Variants in ZNF700 observed in about 807,000 individuals in gnomAD.
ZNF700 encodes the protein zinc finger protein 700.
ZNF700 carries 38 observed loss-of-function variants against 65.3 expected under a neutral mutation model. The ratio of observed to expected loss-of-function variants is 0.58; its 90% CI spans 0.45 to 0.76. The LOEUF (loss-of-function observed/expected upper bound fraction) is 0.76. Ranked by LOEUF, ZNF700 falls within the 30% of genes least tolerant of loss-of-function variation. The probability of loss-of-function intolerance (pLI) is 0.00; values close to 1 mark genes in which losing one functional copy is unlikely to be tolerated. For synonymous variants in ZNF700, 285 were observed against 290.4 expected, an observed-to-expected ratio of 0.98 and a Z score of 0.19; for missense variants, 857 against 888.4, an observed-to-expected ratio of 0.96 and a Z score of 0.45.
In ZNF700 at chr19:11,949,895, A is replaced by G. The variant is rs1255287934; in HGVS notation, c.1871A>G (p.Gln624Arg). Residue 624 changes from glutamine to arginine, a missense_variant, in exon 4 of 4, where the codon CAA (glutamine) becomes CGA (arginine). Transcript: ENST00000254321. ...GGAGAGAAACCCTATGAGTGTAAGC[A>G]ATGTGGGAAAGCCTTCAGATCTGCC... ...HTGEKPYECK[Q>R]CGKAFRSASN... The G allele has an allele frequency of 5.0e-6, 8 of 1,613,948 alleles. No individual in the cohort carries two copies. Among genetic ancestry groups the G allele is most frequent in the Non-Finnish European group, 6.8e-6 (8 of 1,180,012 alleles).
Position 11,941,071 on chromosome 19 carries a change from G to A in ZNF700, c.64-6110G>A, listed in dbSNP as rs566099428. 5.4e-4 allele frequency among the ~76,000 whole-genome samples: 82 copies of A among 152,244 alleles called. 1 individual carries two copies. The highest frequency in any genetic ancestry group is 3.4e-3 in the Middle Eastern group (1 of 294). Reference sequence around the variant, plus strand: ...CCAGAGTAGCTAGATACAGAGTGTCGATTGGTGCATTCACAAACCCTGAGC... The same window carrying A: ...CCAGAGTAGCTAGATACAGAGTGTCAATTGGTGCATTCACAAACCCTGAGC... On this transcript the variant is annotated intron_variant, in intron 1 of 3. Coordinates refer to ENST00000254321, the MANE Select transcript of ZNF700 (RefSeq NM_144566.3).
chr19:11,935,623 G>A (rs899807748), intron 1 of ZNF700, among the ~76,000 whole-genome samples: 11 of 152,134 alleles, frequency 7.2e-5, no homozygotes, highest in Middle Eastern at 3.4e-3. Context: ...CCAGATAGGC[G>A]TTCTGCAATT....
intron 1 of ZNF700, chr19:11,939,901 T>G (rs1972853425): frequency 6.6e-6 from 1 of 152,202 alleles, no homozygotes; most frequent in African/African-American, 2.4e-5. Context: ...TTTTGCTTAT[T>G]GCAATTATCC....
intron 1 of ZNF700, among the ~76,000 whole-genome samples, chr19:11,925,490 G>A (rs1331704251): frequency 6.6e-6 from 1 of 152,150 alleles, no homozygotes; most frequent in Non-Finnish European, 1.5e-5. Context: ...CGCGGCGACT[G>A]CGGCCGCGGC....
At chr19:11,925,417 C>T in intron 1 of ZNF700, 144 bp downstream of exon 1, 1 of 1,345,202 alleles carries the variant, frequency 7.4e-7, no homozygotes, top group Non-Finnish European at 9.9e-7. Flanking sequence ...GGCCCTCGGT[C>T]CCCTTGGCCG....
Position 11,948,817 on chromosome 19 carries a change from C to T in ZNF700, c.793C>T (p.Leu265Phe). 1 of 1,608,302 alleles carries T rather than the reference C, an allele frequency of 6.2e-7. No individual in the cohort carries two copies. Among genetic ancestry groups the T allele is most frequent in the Non-Finnish European group, 8.5e-7 (1 of 1,178,454 alleles). ...TAAATCCTTTACTTATTCTGCTACC[C>T]TTCAAATACATGAAAGAACTCACAC... ...CGKSFTYSAT[L>F]QIHERTHTGE... The change falls in exon 4 of 4, where the codon CTT becomes TTT. Residue 265 changes from leucine (L) to phenylalanine (F), a missense_variant. Transcript: ENST00000254321.
At chr19:11,942,653 G>A (rs1267832711) in intron 1 of ZNF700, among the ~76,000 whole-genome samples, 1 of 152,220 alleles carries the variant, frequency 6.6e-6, no homozygotes, top group African/African-American at 2.4e-5. Context: ...CAAGGATGGA[G>A]TGTGTAATTG....
At position 11,948,434 on chromosome 19, in the gene ZNF700, G is replaced by A; in HGVS notation, c.410G>A (p.Gly137Asp). 6.2e-7 allele frequency: 1 copy of A among 1,614,092 alleles called. No homozygotes were observed. The highest frequency in any genetic ancestry group is 8.5e-7 in the Non-Finnish European group (1 of 1,180,006). ...DSFVCAEVGIGNSSFNMSIRG... is the reference protein window; with the variant it reads ...DSFVCAEVGIDNSSFNMSIRG... Reference sequence around the variant, plus strand: ...TTTGTGTGTGCAGAAGTTGGCATAGGTAACTCATCTTTTAATATGAGCATC... The same window carrying A: ...TTTGTGTGTGCAGAAGTTGGCATAGATAACTCATCTTTTAATATGAGCATC... Residue 137 changes from glycine to aspartate, a missense_variant, in exon 4 of 4, where the codon GGT becomes GAT. This residue lies in a region of ZNF700 where 603 missense variants were observed against 619.9 expected (regional missense o/e 0.97). Coordinates refer to ENST00000254321, the MANE Select transcript of ZNF700 (RefSeq NM_144566.3).
intron 1 of ZNF700, among the ~76,000 whole-genome samples, chr19:11,945,626 G>GT (rs1479021547): frequency 1.3e-5 from 2 of 152,176 alleles, no homozygotes; most frequent in East Asian, 3.9e-4. Flanking sequence ...GCCCTGGAGG[G>GT]TTGTCTTCTG....
At chr19:11,937,726 G>A (rs575769846) in intron 1 of ZNF700, among the ~76,000 whole-genome samples, 1 of 152,018 alleles carries the variant, frequency 6.6e-6, no homozygotes, top group East Asian at 1.9e-4. Flanking sequence ...CTGACCTCAT[G>A]ATCTGCCTGC....
Position 11,948,438 on chromosome 19 carries a change from C to CT in ZNF700, c.415dup (p.Ser139PhefsTer4), listed in dbSNP as rs759364547. The CT allele has an allele frequency of 1.2e-5, 20 of 1,614,110 alleles. No homozygotes were observed. The East Asian group carries it at 4.2e-4, about 34-fold the overall frequency. On this transcript the variant is annotated frameshift_variant, in exon 4 of 4. Coordinates refer to ENST00000254321, the MANE Select transcript of ZNF700 (RefSeq NM_144566.3). LOFTEE classifies it high-confidence loss of function. ...TGTGTGCAGAAGTTGGCATAGGTAA[C>CT]TCATCTTTTAATATGAGCATCAGAG...
In ZNF700 at chr19:11,947,503, CTG is replaced by C. The variant is rs1330036533; in HGVS notation, c.191-9_191-8del. ...CTGCTTCAGGACTATTTTTCTGTGT[CTG>C]TATTTTAGGAAAAAAATGGAGTGAC... is the stretch of plus-strand genomic sequence containing the variant. On this transcript the variant is annotated splice_polypyrimidine_tract_variant and intron_variant, in intron 2 of 3. Transcript: ENST00000254321. The C allele has an allele frequency of 2.5e-6, 4 of 1,611,496 alleles. No individual in the cohort carries two copies. The highest frequency in any genetic ancestry group is 3.4e-6 in the Non-Finnish European group (4 of 1,179,354).
At chr19:11,946,868 T>C in intron 1 of ZNF700, 1 of 297,822 alleles carries the variant, frequency 3.4e-6, no homozygotes, top group Non-Finnish European at 6.0e-6. Context: ...CGCGTGGTGG[T>C]ACATGCCTAT....
Position 11,949,689 on chromosome 19 carries a change from A to G in ZNF700, c.1665A>G (p.Glu555=). 3 of 1,612,312 alleles carry G rather than the reference A, an allele frequency of 1.9e-6. No homozygotes were observed. Among genetic ancestry groups the G allele is most frequent in the Non-Finnish European group, 2.5e-6 (3 of 1,179,650 alleles). Residue 555 remains glutamate (E), a synonymous_variant, in exon 4 of 4, where the codon GAA becomes GAG. Transcript: ENST00000254321. ...FRCCNSLRYH[E]RTHTGEKPYE... is the part of the protein sequence containing the mutation. ...GTTGCAATTCCCTTCGATATCATGA[A>G]AGGACTCACACTGGAGAGAAACCCT...
rs552684498 is a variant in ZNF700, at chr19:11,945,768, T to G, written c.64-1413T>G. Among the ~76,000 whole-genome samples the G allele has an allele frequency of 1.7e-3, 264 of 152,178 alleles. 1 individual carries two copies. The highest frequency in any genetic ancestry group is 2.7e-3 in the Non-Finnish European group (185 of 68,018). On this transcript the variant is annotated intron_variant, in intron 1 of 3. Coordinates refer to ENST00000254321, the MANE Select transcript of ZNF700 (RefSeq NM_144566.3). ...GACTCCCTTTCCGGGTAACTTTAGC[T>G]GTAAAAGAGCTGTGCTCTGTAAGAG...
Position 11,947,166 on chromosome 19 carries a change from T to A in ZNF700, c.64-15T>A. On this transcript the variant is annotated splice_polypyrimidine_tract_variant and intron_variant, in intron 1 of 3. Transcript: ENST00000254321. ...ACTCTCACCCATCTTCCTCTACACA[T>A]GTGAGATGTTTCAGGACCCAGTGGC... is the stretch of plus-strand genomic sequence containing the variant. 8 of 1,612,912 alleles carry A rather than the reference T, an allele frequency of 5.0e-6. No homozygotes were observed. Among genetic ancestry groups the A allele is most frequent in the Non-Finnish European group, 6.8e-6 (8 of 1,179,708 alleles).
chr19:11,941,141 A>G (rs891705050), intron 1 of ZNF700, among the ~76,000 whole-genome samples: 2 of 152,142 alleles, frequency 1.3e-5, no homozygotes, highest in African/African-American at 4.8e-5. Context: ...CTTAAGCTAG[A>G]TACAGAGTGC....
chr19:11,950,118 C>T lies in ZNF700; in HGVS notation c.2094C>T (p.His698=), dbSNP rs1356230048. The T allele has an allele frequency of 2.5e-6, 4 of 1,614,096 alleles. No homozygotes were observed. Among genetic ancestry groups the T allele is most frequent in the African/African-American group, 2.7e-5 (2 of 75,032 alleles). The change falls in exon 4 of 4, where the codon CAC becomes CAT. Residue 698 remains histidine, a synonymous_variant. Transcript: ENST00000254321. ...TTCTTCAAATACATGCAAGAACACA[C>T]ATTGGAGAGAAACACTATGAATGTA... ...AKILQIHART[H]IGEKHYECKE...
intron 1 of ZNF700, among the ~76,000 whole-genome samples, chr19:11,942,665 G>T (rs989219092): frequency 6.6e-6 from 1 of 152,140 alleles, no homozygotes; most frequent in Non-Finnish European, 1.5e-5. Flanking sequence ...GTGTAATTGG[G>T]GCTGCATGCA....
Sources: gnomAD v4.1 joint callset for allele counts (sites outside exome capture counted in the v4.1 genomes callset) on GRCh38, gnomAD v4.1.1 for gene constraint, gnomAD v4.1.1 regional missense constraint, MANE v1.5 for transcripts, NCBI Gene and HGNC (gene_info 2026-07-23, HGNC 2026-07-21) for gene names.